Variants in PTPRQ observed in about 807,000 individuals in gnomAD.
PTPRQ encodes phosphatidylinositol phosphatase PTPRQ.
PTPRQ carries 199 observed loss-of-function variants against 246.0 expected under a neutral mutation model. The observed-to-expected ratio is 0.81, with a 90% CI of 0.72 to 0.91. The LOEUF (loss-of-function observed/expected upper bound fraction) is 0.91. Among genes scored for constraint, PTPRQ ranks in the 40% least tolerant of loss-of-function variants. The pLI, the probability that PTPRQ is intolerant of heterozygous loss-of-function variation, is 0.00. For synonymous variants in PTPRQ, 869 were observed against 853.2 expected (o/e 1.02, Z -0.32); for missense variants, 2,624 against 2,528.4 (o/e 1.04, Z -0.81).
intron 35 of PTPRQ, 89 bp from the exon 36 acceptor site, chr12:80,648,808 A>G (rs1219735339): frequency 2.5e-6 from 3 of 1,195,024 alleles, no homozygotes; most frequent in Non-Finnish European, 3.4e-6. Flanking sequence ...TTATTGATTT[A>G]TTATAATTTT....
rs71816551 is a variant in PTPRQ, at chr12:80,525,654, G to GTC, written c.2679-8335_2679-8334dup. On this transcript the variant is annotated intron_variant, in intron 17 of 44. Transcript: ENST00000644991. ...ACTAACAGTCATATTCTCTCTCTCT[G>GTC]TCTCTCTCTCTCTCTCTCTCTCTCT... 7.7e-3 allele frequency among the ~76,000 whole-genome samples: 1,129 copies of GTC among 147,352 alleles called. 10 individuals are homozygous for GTC. Among genetic ancestry groups the GTC allele is most frequent in the Middle Eastern group, 0.021 (6 of 282 alleles).
chr12:80,482,107 C>T (rs1405408599), intron 8 of PTPRQ, among the ~76,000 whole-genome samples: 1 of 152,008 alleles, frequency 6.6e-6, no homozygotes, highest in Admixed American at 6.6e-5. Flanking sequence ...GAGGATCACA[C>T]TACCTGACTT....
chr12:80,578,177 G>A (rs1450702795), intron 25 of PTPRQ, among the ~76,000 whole-genome samples: 1 of 150,024 alleles, frequency 6.7e-6, no homozygotes, highest in African/African-American at 2.5e-5. Context: ...CCATTAACTT[G>A]TCATTTAGCA....
chr12:80,532,286 G>A (rs78690891), intron 17 of PTPRQ, among the ~76,000 whole-genome samples: 8,848 of 151,872 alleles, frequency 0.058, 295 homozygotes, highest in East Asian at 0.11. Flanking sequence ...TGCAGTTGCC[G>A]ATATTGGCTC....
Position 80,484,567 on chromosome 12 carries a change from A to G in PTPRQ, c.1321A>G (p.Ile441Val). Residue 441 changes from isoleucine to valine, a missense_variant, in exon 9 of 45, where the codon ATA becomes GTA. Physicochemically the swap from Ile to Val is conservative, Grantham distance 29 (BLOSUM62 3). Coordinates refer to ENST00000644991, the MANE Select transcript of PTPRQ (RefSeq NM_001145026.2). ...GAAAGTGCTAGTTCCAGAGACAGGAATAATTTTGGAAAATACTTTGCTCAC... is the reference window on the plus strand; with the variant it reads ...GAAAGTGCTAGTTCCAGAGACAGGAGTAATTTTGGAAAATACTTTGCTCAC... ...RVKVLVPETG[I>V]ILENTLLTGN... 1.3e-6 allele frequency: 2 copies of G among 1,550,304 alleles called. No homozygotes were observed. The highest frequency in any genetic ancestry group is 8.7e-7 in the Non-Finnish European group (1 of 1,146,622).
intron 3 of PTPRQ, among the ~76,000 whole-genome samples, chr12:80,450,935 A>G (rs1222509023): frequency 2.0e-5 from 3 of 152,200 alleles, no homozygotes; most frequent in Non-Finnish European, 4.4e-5. Context: ...ATTGATTGGA[A>G]TAGTTTCAGA....
intron 3 of PTPRQ, among the ~76,000 whole-genome samples, chr12:80,450,389 C>A (rs1892716271): frequency 6.6e-6 from 1 of 152,198 alleles, no homozygotes; most frequent in Non-Finnish European, 1.5e-5. Flanking sequence ...TGGCTAATTG[C>A]CCTGGGCAGA....
intron 38 of PTPRQ, among the ~76,000 whole-genome samples, 152 bp from the exon 39 acceptor site, chr12:80,657,833 A>G (rs1183854405): frequency 1.3e-5 from 2 of 151,908 alleles, no homozygotes; most frequent in East Asian, 3.9e-4. Context: ...TGGGTGGTAG[A>G]AATATGGGAG....
chr12:80,613,089 G>A (rs1188092531), intron 28 of PTPRQ, among the ~76,000 whole-genome samples: 1 of 150,464 alleles, frequency 6.6e-6, no homozygotes, highest in African/African-American at 2.4e-5. Flanking sequence ...TTGCATAAAA[G>A]TATAACAAAA....
At chr12:80,678,109 T>G (rs566608997) in intron 43 of PTPRQ, among the ~76,000 whole-genome samples, 1 of 152,242 alleles carries the variant, frequency 6.6e-6, no homozygotes, top group East Asian at 1.9e-4. Context: ...AGATACTTGA[T>G]CTTAAGCAGG....
intron 23 of PTPRQ, among the ~76,000 whole-genome samples, chr12:80,544,430 A>G (rs1052294948): frequency 6.6e-6 from 1 of 152,190 alleles, no homozygotes; most frequent in Non-Finnish European, 1.5e-5. Context: ...AGATTTGTAA[A>G]CAGGTTTTCT....
chr12:80,604,684 C>G (rs1025170317), intron 26 of PTPRQ, among the ~76,000 whole-genome samples: 2 of 151,480 alleles, frequency 1.3e-5, no homozygotes, highest in African/African-American at 2.4e-5. Context: ...TAGTCAAATA[C>G]TACGTTTCTG....
At chr12:80,535,152 G>A in intron 19 of PTPRQ, 115 bp downstream of exon 19, 3 of 1,068,262 alleles carry the variant, frequency 2.8e-6, no homozygotes, top group South Asian at 2.1e-5. Context: ...AGGCACAGAT[G>A]TATTTTATAA....
chr12:80,460,224 C>T (rs1459928160), intron 5 of PTPRQ, among the ~76,000 whole-genome samples: 3 of 152,098 alleles, frequency 2.0e-5, no homozygotes, highest in African/African-American at 7.2e-5. Context: ...CACGCACACA[C>T]CTAACGTGTG....
chr12:80,578,424 T>C (rs1179792760), intron 25 of PTPRQ, among the ~76,000 whole-genome samples: 1 of 152,002 alleles, frequency 6.6e-6, no homozygotes, highest in Non-Finnish European at 1.5e-5. Context: ...GGAGTCTCAC[T>C]CTGTCGCCCG....
chr12:80,549,187 T>C (rs1187850359), intron 24 of PTPRQ, among the ~76,000 whole-genome samples: 1 of 152,118 alleles, frequency 6.6e-6, no homozygotes, highest in East Asian at 1.9e-4. Flanking sequence ...GCTACACATT[T>C]GCTTCTGAGC....
At chr12:80,511,955 G>T (rs1895138162) in intron 17 of PTPRQ, among the ~76,000 whole-genome samples, 1 of 152,184 alleles carries the variant, frequency 6.6e-6, no homozygotes, top group Non-Finnish European at 1.5e-5. Context: ...AATTGTCAGG[G>T]ACAAAAGTGT....
At position 80,462,075 on chromosome 12, in the gene PTPRQ, G is replaced by C. The variant is rs1893200587; in HGVS notation, c.910+1173G>C. On this transcript the variant is annotated intron_variant, in intron 6 of 44. Transcript: ENST00000644991. ...GCAGGGCGAGGCATTGCCTCACTTGGGGAGCACAAGGGGTCAGGGAGTTCC... is the reference window on the plus strand; with the variant it reads ...GCAGGGCGAGGCATTGCCTCACTTGCGGAGCACAAGGGGTCAGGGAGTTCC... The C allele has an allele frequency of 4.4e-6, 3 of 676,540 alleles. No individual in the cohort carries two copies. In the East Asian group the frequency reaches 8.1e-5, roughly 18 times the overall value. The allele number at this position is 676,540 out of a possible 1,614,324, so 41.9% of individuals were successfully genotyped here. A position where few individuals can be genotyped will look rare whatever the true frequency, so the allele number is the denominator to read the frequency against.
At chr12:80,656,240 A>T (rs1900429753) in intron 38 of PTPRQ, among the ~76,000 whole-genome samples, 1 of 152,196 alleles carries the variant, frequency 6.6e-6, no homozygotes, top group Non-Finnish European at 1.5e-5. Context: ...AATACAACTA[A>T]TTCATTTTAA....
Sources: allele counts gnomAD v4.1 joint callset (sites outside exome capture counted in the v4.1 genomes callset), GRCh38; gene constraint gnomAD v4.1.1; transcripts MANE v1.5; gene names NCBI Gene and HGNC (gene_info 2026-07-23, HGNC 2026-07-21).